TSPAN15: variants seen among roughly 807,000 people sequenced by gnomAD.
TSPAN15 encodes tetraspanin 15, also known as tetraspanin-15.
TSPAN15 carries 20 observed loss-of-function variants against 34.5 expected under a neutral mutation model. The ratio of observed to expected loss-of-function variants is 0.58; its 90% confidence interval spans 0.41 to 0.84. The LOEUF (loss-of-function observed/expected upper bound fraction) is 0.84, where lower values mean the gene tolerates loss of function less well. Among genes scored for constraint, TSPAN15 ranks in the 40% least tolerant of loss-of-function variants. TSPAN15 has a pLI of 0.00. For missense variants in TSPAN15, 313 were observed against 386.1 expected (o/e 0.81, Z 1.59); for synonymous variants, 155 against 153.9 (o/e 1.01, Z -0.05).
chr10:69,542,160 C>A, the TSPAN15 span, among the ~76,000 whole-genome samples: 9 of 152,186 alleles, frequency 5.9e-5, no homozygotes, highest in East Asian at 9.6e-4. Context: ...TTCCACAGAT[C>A]TCTAGGGCAG....
At chr10:69,519,036 A>G in the TSPAN15 span, among the ~76,000 whole-genome samples, 15 of 152,250 alleles carry the variant, frequency 9.9e-5, no homozygotes, top group African/African-American at 3.6e-4. Flanking sequence ...TCTGCGTGGA[A>G]TAGTATACAG....
chr10:69,469,112 CT>C (rs57899787), intron 1 of TSPAN15, among the ~76,000 whole-genome samples: 8,925 of 142,070 alleles, frequency 0.063, 940 homozygotes, highest in African/African-American at 0.22. Context: ...CTATGTAAAA[CT>C]TTTTTTTTTT....
In TSPAN15 at chr10:69,494,745, G is replaced by A. The variant is rs1026704425; in HGVS notation, c.358-849G>A. ...TTGTCTGGCTCTTCAGTCTGGCACCGGAGCCGAGAATGCCCCCTTCGTCCC... is the reference window on the plus strand; with the variant it reads ...TTGTCTGGCTCTTCAGTCTGGCACCAGAGCCGAGAATGCCCCCTTCGTCCC... On this transcript the variant is annotated intron_variant, in intron 3 of 7. Coordinates refer to ENST00000373290, the MANE Select transcript of TSPAN15 (RefSeq NM_012339.5). 4.4e-5 allele frequency: 43 copies of A among 985,268 alleles called. No homozygotes were observed. In the East Asian group the frequency reaches 1.5e-3, roughly 34 times the overall value. The allele number at this position is 985,268 out of a possible 1,614,324, so 61.0% of individuals were successfully genotyped here.
At chr10:69,533,591 A>G in the TSPAN15 span, among the ~76,000 whole-genome samples, 1 of 152,226 alleles carries the variant, frequency 6.6e-6, no homozygotes, top group Non-Finnish European at 1.5e-5. Context: ...TGGGTGCACC[A>G]AAATCTCACA....
downstream of TSPAN15, among the ~76,000 whole-genome samples, chr10:69,510,317 A>C (rs530139555): frequency 2.8e-4 from 43 of 152,128 alleles, no homozygotes; most frequent in Non-Finnish European, 5.4e-4. Context: ...TTGTATTCCT[A>C]GGTATTTTAT....
intron 1 of TSPAN15, among the ~76,000 whole-genome samples, chr10:69,480,572 C>A (rs1027172949): frequency 1.3e-5 from 2 of 152,190 alleles, no homozygotes; most frequent in African/African-American, 4.8e-5. Flanking sequence ...TCTTATTTAA[C>A]CATGATTCTC....
At chr10:69,484,402 G>C (rs1206571805) in intron 2 of TSPAN15, among the ~76,000 whole-genome samples, 1 of 152,236 alleles carries the variant, frequency 6.6e-6, no homozygotes, top group African/African-American at 2.4e-5. Context: ...GGTGGGCCTG[G>C]CTTGGGCCAT....
chr10:69,517,131 T>C, the TSPAN15 span, among the ~76,000 whole-genome samples: 1 of 152,190 alleles, frequency 6.6e-6, no homozygotes, highest in Non-Finnish European at 1.5e-5. Context: ...GTGCCAGGTG[T>C]ACGGGTGCCC....
chr10:69,503,162 C>G (rs1343519643), intron 5 of TSPAN15, among the ~76,000 whole-genome samples: 1 of 152,164 alleles, frequency 6.6e-6, no homozygotes, highest in Admixed American at 6.5e-5. Flanking sequence ...CCAGTGGGCA[C>G]TGGGCATGGC....
In TSPAN15 at chr10:69,506,924, C is replaced by T. The variant is rs765320118; in HGVS notation, c.831C>T (p.Ala277=). 11 of 1,609,640 alleles carry T rather than the reference C, an allele frequency of 6.8e-6. No homozygotes were observed. The highest frequency in any genetic ancestry group is 8.5e-6 in the Non-Finnish European group (10 of 1,178,600). ...CTGATGGGCTCCTGGGGCCCGGTGC[C>T]AAGCCCAGCGTGGAGGCGGCAGGCA... The part of the protein sequence containing the change: ...SVTDGLLGPG[A]KPSVEAAGTG... The change falls in exon 8 of 8, where the codon GCC becomes GCT. Residue 277 remains alanine, a synonymous_variant. Coordinates refer to ENST00000373290, the MANE Select transcript of TSPAN15 (RefSeq NM_012339.5). This position sits in a 1 kb window ranked among gnomAD's most constrained non-coding sequence, Gnocchi z 4.7.
chr10:69,536,017 T>G, the TSPAN15 span, among the ~76,000 whole-genome samples: 2 of 152,134 alleles, frequency 1.3e-5, no homozygotes, highest in African/African-American at 2.4e-5. Context: ...ACTTACTTAG[T>G]AGGAGGGAAG....
At chr10:69,459,088 G>A (rs1433723797) in intron 1 of TSPAN15, among the ~76,000 whole-genome samples, 1 of 144,234 alleles carries the variant, frequency 6.9e-6, no homozygotes, top group East Asian at 2.0e-4. Context: ...AGGTTGATGG[G>A]GGGAAAACAA....
At chr10:69,470,566 G>T (rs1362500106) in intron 1 of TSPAN15, among the ~76,000 whole-genome samples, 1 of 152,040 alleles carries the variant, frequency 6.6e-6, no homozygotes, top group Non-Finnish European at 1.5e-5. Context: ...CCTCCCACCT[G>T]CATCTCCCAG....
At chr10:69,510,724 G>A (rs1277743104), downstream of TSPAN15, among the ~76,000 whole-genome samples, 1 of 152,152 alleles carries the variant, frequency 6.6e-6, no homozygotes, top group African/African-American at 2.4e-5. Context: ...GTCATAAATA[G>A]CTCTTATTAT....
chr10:69,492,329 C>A (rs1182125266), intron 3 of TSPAN15, among the ~76,000 whole-genome samples: 1 of 152,200 alleles, frequency 6.6e-6, no homozygotes, highest in African/African-American at 2.4e-5. Flanking sequence ...CAGCTTGCCT[C>A]ACGGGATCTT....
In TSPAN15 at chr10:69,507,584, G is replaced by T. The variant is rs1244950656; in HGVS notation, c.*606G>T. 7.7e-7 allele frequency: 1 copy of T among 1,302,920 alleles called. No homozygotes were observed. Among genetic ancestry groups the T allele is most frequent in the Non-Finnish European group, 1.0e-6 (1 of 988,810 alleles). The allele number at this position is 1,302,920 out of a possible 1,614,324, so 80.7% of individuals were successfully genotyped here. On this transcript the variant is annotated 3_prime_UTR_variant, in exon 8 of 8. Transcript: ENST00000373290. ...AGGAGTTTCTGACTAATCAAAGCTG[G>T]TATTTCCCCGCATGTCTTATTCTTG...
chr10:69,480,035 A>C (rs1406381373), intron 1 of TSPAN15, among the ~76,000 whole-genome samples: 2 of 152,216 alleles, frequency 1.3e-5, no homozygotes, highest in East Asian at 3.9e-4. Flanking sequence ...AACAGCAGAG[A>C]GTGAGATCAG....
chr10:69,511,228 CT>C (rs1327660932), downstream of TSPAN15, among the ~76,000 whole-genome samples: 1 of 152,056 alleles, frequency 6.6e-6, no homozygotes, highest in East Asian at 1.9e-4. Flanking sequence ...GGTTAGTAGG[CT>C]ATTAATTACT....
At chr10:69,532,694 C>T in the TSPAN15 span, among the ~76,000 whole-genome samples, 2 of 152,158 alleles carry the variant, frequency 1.3e-5, no homozygotes, top group South Asian at 4.1e-4. Flanking sequence ...CTTAATTAAA[C>T]TAAAGAGCCT....
Sources: allele counts gnomAD v4.1 joint callset (sites outside exome capture counted in the v4.1 genomes callset), GRCh38; gene constraint gnomAD v4.1.1; non-coding constraint Gnocchi (gnomAD v3.1); transcripts MANE v1.5; gene names NCBI Gene and HGNC (gene_info 2026-07-23, HGNC 2026-07-21).